BCAR3: variants seen among roughly 807,000 people sequenced by gnomAD.
The protein encoded by BCAR3 is BCAR3 adaptor protein, NSP family member.
Under a neutral mutation model 80.1 loss-of-function variants are expected in BCAR3, and 37 were observed. The ratio of observed to expected loss-of-function variants is 0.46; its 90% CI spans 0.36 to 0.61. BCAR3 has a LOEUF of 0.61. Among genes scored for constraint, BCAR3 ranks in the 20% least tolerant of loss-of-function variants. The pLI is 0.00. For synonymous variants in BCAR3, 389 were observed against 418.9 expected, an observed-to-expected ratio of 0.93 and a Z score of 0.87; for missense variants, 978 against 1,068.2, an observed-to-expected ratio of 0.92 and a Z score of 1.18.
At chr1:93,632,070 G>C (rs765001330) in intron 3 of BCAR3, among the ~76,000 whole-genome samples, 19 of 152,232 alleles carry the variant, frequency 1.2e-4, no homozygotes, top group Non-Finnish European at 2.4e-4. Context: ...GGGCAGCAGA[G>C]AGATGCTGCT....
intron 2 of BCAR3, among the ~76,000 whole-genome samples, chr1:93,770,513 C>G (rs1226401236): frequency 6.6e-6 from 1 of 152,050 alleles, no homozygotes; most frequent in East Asian, 1.9e-4. Context: ...TTTTTTGTTG[C>G]CACTATGTTG....
At chr1:93,617,863 T>C (rs970790214) in intron 3 of BCAR3, among the ~76,000 whole-genome samples, 3 of 152,296 alleles carry the variant, frequency 2.0e-5, no homozygotes, top group African/African-American at 7.2e-5. Flanking sequence ...GAGAGCAGTG[T>C]GGCAGGTGCC....
chr1:93,681,965 C>G (rs1286549370), upstream of BCAR3: 1 of 152,180 alleles, frequency 6.6e-6, no homozygotes, highest in East Asian at 1.9e-4. Flanking sequence ...TAGCCAGGCC[C>G]TCCTCTGCCC....
chr1:93,586,815 TTTC>T lies in BCAR3; in HGVS notation c.929+2159_929+2161del, dbSNP rs1191714456. ...TGATGACCAATCATGTTGAACACCT[TTTC>T]ATATGCCTGTTTGCCACTGCAGTGG... On this transcript the variant is annotated intron_variant, in intron 5 of 11. Coordinates refer to ENST00000260502, the MANE Select transcript of BCAR3 (RefSeq NM_003567.4). The surrounding 1 kb of genome is among the most constrained non-coding windows in gnomAD (Gnocchi z 4.2). Among the ~76,000 whole-genome samples, 83 of 152,332 alleles carry T rather than the reference TTTC, an allele frequency of 5.4e-4. No individual in the cohort carries two copies. The highest frequency in any genetic ancestry group is 1.9e-3 in the African/African-American group (80 of 41,576).
chr1:93,796,515 C>A (rs1003530580), intron 2 of BCAR3, among the ~76,000 whole-genome samples: 1 of 150,346 alleles, frequency 6.7e-6, no homozygotes, highest in Non-Finnish European at 1.5e-5. Flanking sequence ...TGCTTCGGCT[C>A]GCGCACGGTG....
intron 2 of BCAR3, among the ~76,000 whole-genome samples, chr1:93,799,886 A>G (rs1214376483): frequency 1.3e-5 from 2 of 152,244 alleles, no homozygotes; most frequent in African/African-American, 4.8e-5. Flanking sequence ...GCTAATAAAC[A>G]AAAAGCACTG....
intron 3 of BCAR3, among the ~76,000 whole-genome samples, chr1:93,618,617 C>T (rs1182918528): frequency 2.6e-5 from 4 of 152,226 alleles, no homozygotes; most frequent in Non-Finnish European, 4.4e-5. Context: ...ACCACTACCA[C>T]CTAGTTCCTG....
chr1:93,658,717 T>C (rs911143586), intron 2 of BCAR3, among the ~76,000 whole-genome samples: 2 of 152,176 alleles, frequency 1.3e-5, no homozygotes, highest in Non-Finnish European at 2.9e-5. Flanking sequence ...ACCTTAGATT[T>C]AGAACTTACT....
chr1:93,756,245 G>A (rs1028566668), intron 2 of BCAR3, among the ~76,000 whole-genome samples: 3 of 152,116 alleles, frequency 2.0e-5, no homozygotes, highest in Non-Finnish European at 4.4e-5. Flanking sequence ...TGGTGGCTTG[G>A]GTTCCCCTTC....
intron 2 of BCAR3, among the ~76,000 whole-genome samples, chr1:93,801,543 TTTG>T (rs1421958504): frequency 6.6e-6 from 1 of 152,252 alleles, no homozygotes. Flanking sequence ...TTGTTTGGTT[TTTG>T]TTTACATTGC....
intron 2 of BCAR3, among the ~76,000 whole-genome samples, chr1:93,644,428 C>G (rs990549448): frequency 6.6e-6 from 1 of 152,204 alleles, no homozygotes; most frequent in African/African-American, 2.4e-5. Flanking sequence ...TTAAATTCAC[C>G]TACAGCCTGG....
chr1:93,826,775 G>A (rs1021504274), intron 2 of BCAR3, among the ~76,000 whole-genome samples: 1 of 152,154 alleles, frequency 6.6e-6, no homozygotes, highest in Non-Finnish European at 1.5e-5. Context: ...GAATCCCATG[G>A]CTGGGGAGAG....
chr1:93,708,396 C>A (rs1028015205), intron 2 of BCAR3, among the ~76,000 whole-genome samples: 11 of 152,152 alleles, frequency 7.2e-5, no homozygotes, highest in Admixed American at 2.6e-4. Context: ...TTCCAAGGGG[C>A]CTTTTTTGGT....
intron 9 of BCAR3, chr1:93,568,073 C>G: frequency 2.4e-6 from 1 of 424,422 alleles, no homozygotes; most frequent in Non-Finnish European, 4.4e-6. Context: ...GTAATCCCAG[C>G]TACTCGGGAG....
chr1:93,667,536 A>G lies in BCAR3; in HGVS notation c.317+7078T>C, dbSNP rs138005205. Among the ~76,000 whole-genome samples, 331 of 152,338 alleles carry G rather than the reference A, an allele frequency of 2.2e-3. 3 individuals carry two copies. The highest frequency in any genetic ancestry group is 0.017 in the Middle Eastern group (5 of 294). On this transcript the variant is annotated intron_variant, in intron 2 of 11. Coordinates refer to ENST00000260502, the MANE Select transcript of BCAR3 (RefSeq NM_003567.4). ...GTCTTGTGTTTTTTCTCCTCTTCACAAAAGGAGTTATTTTATCTTCAGTGA... is the reference window on the plus strand; with the variant it reads ...GTCTTGTGTTTTTTCTCCTCTTCACGAAAGGAGTTATTTTATCTTCAGTGA...
intron 3 of BCAR3, among the ~76,000 whole-genome samples, chr1:93,634,731 C>T (rs967170426): frequency 1.9e-4 from 28 of 148,506 alleles, no homozygotes; most frequent in Non-Finnish European, 3.0e-4. Flanking sequence ...AAAAAAAAAA[C>T]GGAGTTTCCC....
intron 11 of BCAR3, among the ~76,000 whole-genome samples, chr1:93,565,100 CT>C (rs1160258864): frequency 1.9e-3 from 276 of 144,246 alleles, no homozygotes; most frequent in Admixed American, 2.1e-3. Flanking sequence ...CAGATGGTGA[CT>C]TTTTTTTTTT....
intron 1 of BCAR3, chr1:93,846,893 G>C (rs1342263462): frequency 2.1e-6 from 1 of 469,172 alleles, no homozygotes; most frequent in African/African-American, 2.2e-5. Flanking sequence ...CTCTGGGTCT[G>C]TGGGGAGCGA....
At position 93,622,652 on chromosome 1, in the gene BCAR3, C is replaced by A. The variant is rs189241023; in HGVS notation, c.357+19652G>T. Among the ~76,000 whole-genome samples the A allele has an allele frequency of 3.3e-5, 5 of 152,286 alleles. No individual in the cohort carries two copies. In the East Asian group the frequency reaches 9.7e-4, roughly 29 times the overall value. On this transcript the variant is annotated intron_variant, in intron 3 of 11. Transcript: ENST00000260502. Reference sequence around the variant, plus strand: ...TTGTCACATGGAAACACAAACAGTACCCCTTCCTCTATAGGAAGAGGCCAA... The same window carrying A: ...TTGTCACATGGAAACACAAACAGTAACCCTTCCTCTATAGGAAGAGGCCAA...
Sources: gnomAD v4.1 joint callset for allele counts (sites outside exome capture counted in the v4.1 genomes callset) on GRCh38, gnomAD v4.1.1 for gene constraint, Gnocchi (gnomAD v3.1) non-coding constraint, MANE v1.5 for transcripts, NCBI Gene and HGNC (gene_info 2026-07-23, HGNC 2026-07-21) for gene names.